Variants in FCHSD2 observed in about 807,000 individuals in gnomAD.
FCHSD2 encodes F-BAR and double SH3 domains protein 2.
In FCHSD2, 38 loss-of-function variants were observed where a neutral mutation model predicts 108.1. That is an observed-to-expected ratio of 0.35 (90% confidence interval 0.27 to 0.46). FCHSD2 has a LOEUF of 0.46. FCHSD2 is among the 20% of genes least tolerant of loss of function. FCHSD2 has a pLI of 1.00. For synonymous variants in FCHSD2, 279 were observed against 314.7 expected (o/e 0.89, Z 1.20); for missense variants, 751 against 897.8 (o/e 0.84, Z 2.09).
chr11:72,843,688 G>T (rs1208002670), intron 14 of FCHSD2, 156 bp from the exon 15 acceptor site: 2 of 608,044 alleles, frequency 3.3e-6, no homozygotes, highest in Non-Finnish European at 2.9e-6. Flanking sequence ...TCATAATGAG[G>T]TGAAGTTTTA....
chr11:73,066,588 C>G (rs890019564), intron 3 of FCHSD2, among the ~76,000 whole-genome samples: 5 of 151,854 alleles, frequency 3.3e-5, no homozygotes, highest in African/African-American at 1.2e-4. Context: ...TTTTTGCAAT[C>G]TATCTGACAA....
intron 17 of FCHSD2, 106 bp downstream of exon 17, chr11:72,842,515 G>A (rs1438155967): frequency 2.9e-6 from 4 of 1,358,116 alleles, no homozygotes; most frequent in South Asian, 2.8e-5. Flanking sequence ...AAGGACCGGT[G>A]AGGGTAAGGC....
At chr11:73,009,536 A>C (rs1464396499) in intron 4 of FCHSD2, among the ~76,000 whole-genome samples, 1 of 152,170 alleles carries the variant, frequency 6.6e-6, no homozygotes, top group Non-Finnish European at 1.5e-5. Context: ...ATATATTTAT[A>C]CAGTTTATGG....
chr11:72,856,774 G>A (rs1205350179), intron 13 of FCHSD2, among the ~76,000 whole-genome samples: 1 of 152,130 alleles, frequency 6.6e-6, no homozygotes, highest in Admixed American at 6.6e-5. Context: ...ATAATATTCA[G>A]AATCACAGAC....
intron 2 of FCHSD2, among the ~76,000 whole-genome samples, chr11:73,132,531 A>C (rs1861027101): frequency 6.6e-6 from 1 of 151,924 alleles, no homozygotes; most frequent in Non-Finnish European, 1.5e-5. Flanking sequence ...CACATAAAAA[A>C]CTCAGGTGAA....
At position 73,140,086 on chromosome 11, in the gene FCHSD2, T is replaced by C. The variant is rs1170563386; in HGVS notation, c.64A>G (p.Met22Val). 6.5e-7 allele frequency: 1 copy of C among 1,549,052 alleles called. No individual in the cohort carries two copies. Among genetic ancestry groups the C allele is most frequent in the East Asian group, 2.4e-5 (1 of 41,378 alleles). ...QELKNIQVEQ[M>V]TKLQAKHQAE... ...TGATGTTTGGCTTGAAGTTTTGTCATCTGCTCAACTTGAATGTTTTTCAGT... is the reference window on the plus strand; with the variant it reads ...TGATGTTTGGCTTGAAGTTTTGTCACCTGCTCAACTTGAATGTTTTTCAGT... The change falls in exon 2 of 20, where the codon ATG becomes GTG. Residue 22 changes from methionine to valine, a missense_variant. By Grantham distance (21) the Met-to-Val change is conservative. Transcript: ENST00000409418.
At chr11:73,021,235 A>AT (rs1858096328) in intron 3 of FCHSD2, among the ~76,000 whole-genome samples, 1 of 140,782 alleles carries the variant, frequency 7.1e-6, no homozygotes, top group African/African-American at 2.6e-5. Context: ...ACATAGAATA[A>AT]AAAAAAAAAA....
chr11:72,961,357 A>G (rs1343969675), intron 8 of FCHSD2, among the ~76,000 whole-genome samples: 1 of 151,980 alleles, frequency 6.6e-6, no homozygotes, highest in African/African-American at 2.4e-5. Context: ...CCAAGTAGCT[A>G]GGACTACAGA....
intron 3 of FCHSD2, among the ~76,000 whole-genome samples, chr11:73,030,086 G>A (rs906729839): frequency 1.3e-5 from 2 of 151,908 alleles, no homozygotes; most frequent in African/African-American, 2.4e-5. Flanking sequence ...AATACCCAAG[G>A]GAATGCCATT....
intron 13 of FCHSD2, among the ~76,000 whole-genome samples, chr11:72,867,630 C>T (rs745853043): frequency 6.6e-6 from 1 of 151,966 alleles, no homozygotes; most frequent in African/African-American, 2.4e-5. Context: ...GCATCGATAA[C>T]CCAAATAGTG....
At chr11:73,039,132 A>G (rs760928976) in intron 3 of FCHSD2, among the ~76,000 whole-genome samples, 8 of 152,198 alleles carry the variant, frequency 5.3e-5, no homozygotes, top group Non-Finnish European at 1.2e-4. Context: ...GTGTATTCCA[A>G]ATCCTATCTA....
intron 3 of FCHSD2, among the ~76,000 whole-genome samples, chr11:73,063,884 G>C (rs1405399641): frequency 6.6e-6 from 1 of 152,044 alleles, no homozygotes; most frequent in African/African-American, 2.4e-5. Context: ...AGATTAATGA[G>C]ACAGAAAATT....
At chr11:72,914,063 A>G (rs1181991668) in intron 9 of FCHSD2, among the ~76,000 whole-genome samples, 17 of 152,120 alleles carry the variant, frequency 1.1e-4, no homozygotes, top group Admixed American at 1.0e-3. Context: ...CGCCCAGGCT[A>G]GAGTGCAGTG....
chr11:72,888,901 C>T (rs1022181295), intron 11 of FCHSD2, among the ~76,000 whole-genome samples: 1 of 152,140 alleles, frequency 6.6e-6, no homozygotes, highest in Non-Finnish European at 1.5e-5. Flanking sequence ...GGATTACAGG[C>T]GTGAGCCACT....
At chr11:73,058,846 G>A (rs1187838092) in intron 3 of FCHSD2, among the ~76,000 whole-genome samples, 1 of 152,010 alleles carries the variant, frequency 6.6e-6, no homozygotes, top group African/African-American at 2.4e-5. Flanking sequence ...GGGATTACAC[G>A]TGTGAGCCAT....
chr11:73,110,352 G>A (rs924046178), intron 2 of FCHSD2, among the ~76,000 whole-genome samples: 8 of 151,964 alleles, frequency 5.3e-5, no homozygotes, highest in African/African-American at 7.3e-5. Context: ...ATTTTATTAC[G>A]GCTTCAATCC....
intron 8 of FCHSD2, among the ~76,000 whole-genome samples, chr11:72,953,732 C>T (rs74454619): frequency 0.011 from 1,722 of 152,168 alleles, 36 homozygotes; most frequent in African/African-American, 0.04. Context: ...GAAAAGATGC[C>T]GCCTTATGTT....
At chr11:73,115,538 C>T (rs1184817087) in intron 2 of FCHSD2, among the ~76,000 whole-genome samples, 1 of 152,108 alleles carries the variant, frequency 6.6e-6, no homozygotes, top group African/African-American at 2.4e-5. Flanking sequence ...TCTTCTGGCA[C>T]TGGAGGGTGC....
At chr11:73,049,546 A>T (rs1368300504) in intron 3 of FCHSD2, among the ~76,000 whole-genome samples, 1 of 60,622 alleles carries the variant, frequency 1.6e-5, no homozygotes, top group Non-Finnish European at 3.1e-5. Context: ...GGGTCGGGGG[A>T]GGGGGGAGGG....
Sources: gnomAD v4.1 joint callset for allele counts (sites outside exome capture counted in the v4.1 genomes callset) on GRCh38, gnomAD v4.1.1 for gene constraint, MANE v1.5 for transcripts, NCBI Gene and HGNC (gene_info 2026-07-23, HGNC 2026-07-21) for gene names.